Variants in GRXCR2 observed in about 807,000 individuals in gnomAD.
GRXCR2 encodes the protein glutaredoxin and cysteine rich domain containing 2, also known as glutaredoxin domain-containing cysteine-rich protein 2.
GRXCR2 carries 23 observed loss-of-function variants against 24.8 expected under a neutral mutation model. That is an observed-to-expected ratio of 0.93 (90% CI 0.67 to 1.32). GRXCR2 has a LOEUF of 1.32. Ranked by LOEUF, GRXCR2 falls within the 40% of genes most tolerant of loss-of-function variation. The pLI, the probability that GRXCR2 is intolerant of heterozygous loss-of-function variation, is 0.00. For missense variants in GRXCR2, 315 were observed against 303.4 expected (o/e 1.04, Z -0.28); for synonymous variants, 130 against 116.1 (o/e 1.12, Z -0.77).
chr5:145,862,513 T>A (rs1756356113), intron 2 of GRXCR2, among the ~76,000 whole-genome samples: 1 of 152,216 alleles, frequency 6.6e-6, no homozygotes, highest in Non-Finnish European at 1.5e-5. Flanking sequence ...TCTTCCTTTC[T>A]CTGTATCTTT....
At chr5:145,885,875 C>T (rs1236491906) in intron 2 of GRXCR2, among the ~76,000 whole-genome samples, 1 of 152,158 alleles carries the variant, frequency 6.6e-6, no homozygotes, top group Admixed American at 6.5e-5. Flanking sequence ...CTACTGCTTA[C>T]TGGGCATGTT....
At chr5:145,879,171 A>T (rs1384963928) in intron 2 of GRXCR2, among the ~76,000 whole-genome samples, 1 of 152,220 alleles carries the variant, frequency 6.6e-6, no homozygotes, top group Non-Finnish European at 1.5e-5. Context: ...TCATAATGAC[A>T]GGATCAAATT....
chr5:145,894,476 A>G (rs1306240924), intron 2 of GRXCR2, among the ~76,000 whole-genome samples: 7 of 152,234 alleles, frequency 4.6e-5, no homozygotes, highest in African/African-American at 1.7e-4. Context: ...ACAGAAATAC[A>G]AACTACCATC....
Position 145,859,789 on chromosome 5 carries a change from T to G in GRXCR2, c.691A>C (p.Arg231=). The G allele has an allele frequency of 6.2e-7, 1 of 1,614,186 alleles. No individual in the cohort carries two copies. The highest frequency in any genetic ancestry group is 8.5e-7 in the Non-Finnish European group (1 of 1,180,016). ...NRFKESYRAL[R]CPACNENGLQ... ...CCATTCTCATTGCAGGCAGGGCACC[T>G]CAGGGCCCGATAGGACTCCTTAAAT... Residue 231 remains arginine (R), a synonymous_variant, in exon 3 of 3, where the codon AGG becomes CGG. Coordinates refer to ENST00000377976, the MANE Select transcript of GRXCR2 (RefSeq NM_001080516.2).
intron 2 of GRXCR2, among the ~76,000 whole-genome samples, chr5:145,883,769 G>C (rs1050172957): frequency 1.3e-5 from 2 of 152,118 alleles, no homozygotes; most frequent in African/African-American, 4.8e-5. Flanking sequence ...TGTAGTCCCA[G>C]CTATTCAGGG....
intron 1 of GRXCR2, among the ~76,000 whole-genome samples, chr5:145,870,017 AC>A (rs1162580984): frequency 6.6e-6 from 1 of 152,176 alleles, no homozygotes; most frequent in African/African-American, 2.4e-5. Flanking sequence ...CTCAGGTTTG[AC>A]AGGTATCAAA....
chr5:145,887,129 T>C (rs1756789222), intron 2 of GRXCR2, among the ~76,000 whole-genome samples: 1 of 152,252 alleles, frequency 6.6e-6, no homozygotes. Context: ...AGGATCTCAC[T>C]CTGTTGTCCA....
chr5:145,859,649 G>A lies in GRXCR2; in HGVS notation c.*84C>T. 2.4e-6 allele frequency: 3 copies of A among 1,271,220 alleles called. No homozygotes were observed. Among genetic ancestry groups the A allele is most frequent in the East Asian group, 2.3e-5 (1 of 42,786 alleles). The allele number at this position is 1,271,220 out of a possible 1,614,324, so 78.7% of individuals were successfully genotyped here. A position where few individuals can be genotyped will look rare whatever the true frequency, so the allele number is the denominator to read the frequency against. ...AGCCACTGTGGCCTCCTTGTTGGGAGAGGCAGGAGGAGGAGAAGGGGGCGG... is the reference window on the plus strand; with the variant it reads ...AGCCACTGTGGCCTCCTTGTTGGGAAAGGCAGGAGGAGGAGAAGGGGGCGG... On this transcript the variant is annotated 3_prime_UTR_variant, in exon 3 of 3. Coordinates refer to ENST00000377976, the MANE Select transcript of GRXCR2 (RefSeq NM_001080516.2).
chr5:145,914,911 T>C (rs1345549606), intron 2 of GRXCR2, among the ~76,000 whole-genome samples: 1 of 152,200 alleles, frequency 6.6e-6, no homozygotes, highest in African/African-American at 2.4e-5. Context: ...CTTTTCCTAA[T>C]GCTATAGTCT....
At chr5:145,910,146 G>T (rs1355568814) in intron 2 of GRXCR2, among the ~76,000 whole-genome samples, 2 of 152,076 alleles carry the variant, frequency 1.3e-5, no homozygotes, top group South Asian at 4.1e-4. Context: ...TTAATACCAG[G>T]GTTCCAGAGG....
At chr5:145,875,413 G>A (rs892769640), upstream of GRXCR2, among the ~76,000 whole-genome samples, 1 of 152,120 alleles carries the variant, frequency 6.6e-6, no homozygotes, top group African/African-American at 2.4e-5. Context: ...GCAGGGTGTG[G>A]TGGCAGGCAC....
chr5:145,916,074 A>G (rs1029319728), intron 2 of GRXCR2, among the ~76,000 whole-genome samples: 1 of 152,170 alleles, frequency 6.6e-6, no homozygotes, highest in African/African-American at 2.4e-5. Flanking sequence ...AGAGAATTCA[A>G]AGAGCTGTGC....
intron 1 of GRXCR2, among the ~76,000 whole-genome samples, chr5:145,867,185 T>A (rs1756452510): frequency 6.6e-6 from 1 of 152,198 alleles, no homozygotes; most frequent in Non-Finnish European, 1.5e-5. Context: ...GCTAAGCATT[T>A]TACCAACATT....
intron 2 of GRXCR2, among the ~76,000 whole-genome samples, chr5:145,895,801 C>T (rs1201471947): frequency 6.6e-6 from 1 of 152,012 alleles, no homozygotes; most frequent in Non-Finnish European, 1.5e-5. Flanking sequence ...CGTATGGAAC[C>T]AAAAAAGAGC....
intron 2 of GRXCR2, among the ~76,000 whole-genome samples, chr5:145,880,219 C>A (rs1282038067): frequency 5.3e-5 from 8 of 151,802 alleles, no homozygotes. Context: ...GAGATAGAGA[C>A]ACAAAAAAAA....
At position 145,887,365 on chromosome 5, in the gene GRXCR2, G is replaced by A. The variant is rs543568212; in HGVS notation, c.-69-20637C>T. 1.1e-4 allele frequency among the ~76,000 whole-genome samples: 16 copies of A among 152,274 alleles called. No homozygotes were observed. The East Asian group carries it at 2.5e-3, about 24-fold the overall frequency. On this transcript the variant is annotated intron_variant, in intron 2 of 3. Coordinates refer to the GRXCR2 transcript ENST00000639411. The stretch of plus-strand genomic sequence containing the variant: ...TAGCTACATTTCAAGGCCAGTAGTC[G>A]CTTATTACTTGTCGCTACCCTATTA...
At position 145,913,145 on chromosome 5, in the gene GRXCR2, A is replaced by G. The variant is rs543168983; in HGVS notation, c.-70+22556T>C. ...GCCATCGTTAACATCTACATGGTAC[A>G]TTCATCATAACTGCAACATTAATGT... On this transcript the variant is annotated intron_variant, in intron 2 of 3. Coordinates refer to the GRXCR2 transcript ENST00000639411. Among the ~76,000 whole-genome samples the G allele has an allele frequency of 1.4e-4, 21 of 152,330 alleles. 1 individual carries two copies. The South Asian group carries it at 4.1e-3, about 30-fold the overall frequency.
chr5:145,863,139 CA>C (rs1180160077), intron 2 of GRXCR2, among the ~76,000 whole-genome samples: 3 of 152,210 alleles, frequency 2.0e-5, no homozygotes, highest in Non-Finnish European at 4.4e-5. Flanking sequence ...TACAGAAGCT[CA>C]AACCTGGCCG....
intron 2 of GRXCR2, among the ~76,000 whole-genome samples, chr5:145,891,669 A>G (rs1236347301): frequency 6.6e-6 from 1 of 152,182 alleles, no homozygotes; most frequent in Non-Finnish European, 1.5e-5. Context: ...CTGCAGCTCA[A>G]GGAGGCCTGC....
Sources: allele counts gnomAD v4.1 joint callset (sites outside exome capture counted in the v4.1 genomes callset), GRCh38; gene constraint gnomAD v4.1.1; transcripts MANE v1.5; gene names NCBI Gene and HGNC (gene_info 2026-07-23, HGNC 2026-07-21).